SEZ6L: variants seen among roughly 807,000 people sequenced by gnomAD.
The protein encoded by SEZ6L is seizure related 6 homolog like.
Under a neutral mutation model 106.2 loss-of-function variants are expected in SEZ6L, and 37 were observed. The observed-to-expected ratio is 0.35, with a 90% CI of 0.27 to 0.46. The LOEUF is 0.46. Ranked by LOEUF, SEZ6L falls within the 20% of genes least tolerant of loss-of-function variation. The probability of loss-of-function intolerance (pLI) is 1.00; values close to 1 mark genes in which losing one functional copy is unlikely to be tolerated. For missense variants in SEZ6L, 1,172 were observed against 1,332.8 expected (o/e 0.88, Z 1.88); for synonymous variants, 541 against 570.4 (o/e 0.95, Z 0.73).
intron 1 of SEZ6L, among the ~76,000 whole-genome samples, chr22:26,248,010 T>C (rs944508192): frequency 4.6e-5 from 7 of 152,124 alleles, no homozygotes; most frequent in Non-Finnish European, 8.8e-5. Flanking sequence ...TGACTCTAAC[T>C]GAGAGTTCTG....
intron 1 of SEZ6L, among the ~76,000 whole-genome samples, chr22:26,280,511 A>G (rs1006201065): frequency 6.6e-6 from 1 of 152,170 alleles, no homozygotes; most frequent in African/African-American, 2.4e-5. Flanking sequence ...ATCATTCTGC[A>G]CCTTGGTTTT....
chr22:26,211,804 TAAAAAA>T lies in SEZ6L; in HGVS notation c.94+42061_94+42066del, dbSNP rs56124325. ...GGGCAACATAGCCAGACCTCGTCTC[TAAAAAA>T]AAAAAAAAAAAAAAAAAAATTTAAA... On this transcript the variant is annotated intron_variant, in intron 1 of 16. Transcript: ENST00000248933. 1.0e-4 allele frequency among the ~76,000 whole-genome samples: 5 copies of T among 48,084 alleles called. No homozygotes were observed. In the South Asian group the frequency reaches 3.4e-3, roughly 33 times the overall value. The allele number at this position is 48,084 out of a possible 152,430, so 31.5% of individuals were successfully genotyped here.
At chr22:26,260,234 A>T (rs1457797850) in intron 1 of SEZ6L, among the ~76,000 whole-genome samples, 1 of 152,128 alleles carries the variant, frequency 6.6e-6, no homozygotes. Flanking sequence ...TGGTGCACCC[A>T]TCACCTGAGC....
At chr22:26,291,436 G>A (rs1019831670) in intron 1 of SEZ6L, among the ~76,000 whole-genome samples, 3 of 128,164 alleles carry the variant, frequency 2.3e-5, no homozygotes, top group Non-Finnish European at 4.9e-5. Flanking sequence ...ACTGGGGCCT[G>A]TTGCGGGGTG....
chr22:26,221,133 T>C (rs947547750), intron 1 of SEZ6L, among the ~76,000 whole-genome samples: 1 of 152,068 alleles, frequency 6.6e-6, no homozygotes, highest in Non-Finnish European at 1.5e-5. Flanking sequence ...AATAAAGTAT[T>C]AAATACAACC....
At chr22:26,298,908 G>T in intron 4 of SEZ6L, 76 bp from the exon 5 acceptor site, 1 of 1,405,900 alleles carries the variant, frequency 7.1e-7, no homozygotes. Flanking sequence ...GCACAAACTG[G>T]CTCCCAGGAT....
Position 26,169,639 on chromosome 22 carries a change from A to G in SEZ6L, c.-31A>G. 1 of 920,634 alleles carries G rather than the reference A, an allele frequency of 1.1e-6. No individual in the cohort carries two copies. Among genetic ancestry groups the G allele is most frequent in the Non-Finnish European group, 1.5e-6 (1 of 670,176 alleles). The allele number at this position is 920,634 out of a possible 1,614,324, so 57.0% of individuals were successfully genotyped here. A position where few individuals can be genotyped will look rare whatever the true frequency, so the allele number is the denominator to read the frequency against. On this transcript the variant is annotated 5_prime_UTR_variant, in exon 1 of 17. Coordinates refer to ENST00000248933, the MANE Select transcript of SEZ6L (RefSeq NM_021115.5). ...CTCCCTCGCCGTCCGCCCGCCCCAC[A>G]GCCAGCGGCTCCGCGCCCCCTGCAG...
At position 26,188,179 on chromosome 22, in the gene SEZ6L, T is replaced by C. The variant is rs568405601; in HGVS notation, c.94+18416T>C. Among the ~76,000 whole-genome samples the C allele has an allele frequency of 2.6e-5, 4 of 152,330 alleles. No individual in the cohort carries two copies. In the East Asian group the frequency reaches 7.7e-4, roughly 29 times the overall value. ...TTCCAGGGAGCCTTCCCTGCCTGTC[T>C]CAGCTGAGTTAGGGGCATCGCATTG... On this transcript the variant is annotated intron_variant, in intron 1 of 16. Coordinates refer to ENST00000248933, the MANE Select transcript of SEZ6L (RefSeq NM_021115.5).
chr22:26,347,479 G>A (rs974320403), intron 10 of SEZ6L, among the ~76,000 whole-genome samples: 4 of 152,116 alleles, frequency 2.6e-5, no homozygotes, highest in South Asian at 2.1e-4. Context: ...TGTCTGACTC[G>A]AAATCCTAAA....
At chr22:26,314,095 C>CACACAG (rs1491457169) in intron 9 of SEZ6L, among the ~76,000 whole-genome samples, 193 bp downstream of exon 9, 2,000 of 136,274 alleles carry the variant, frequency 0.015, 23 homozygotes, top group African/African-American at 0.028. Context: ...CACACACACA[C>CACACAG]AGAGAGAGAG....
intron 1 of SEZ6L, among the ~76,000 whole-genome samples, chr22:26,286,281 C>A (rs2080930607): frequency 1.3e-5 from 2 of 152,220 alleles, no homozygotes; most frequent in African/African-American, 2.4e-5. Flanking sequence ...TCTGTGATTA[C>A]AACCTTGTGT....
At chr22:26,292,340 A>T in intron 1 of SEZ6L, 66 bp from the exon 2 acceptor site, 1 of 1,327,652 alleles carries the variant, frequency 7.5e-7, no homozygotes, top group Non-Finnish European at 1.0e-6. Context: ...CCACCCTCAG[A>T]GTCTGACAGC....
chr22:26,335,067 C>T (rs1288484500), intron 9 of SEZ6L, among the ~76,000 whole-genome samples: 1 of 152,238 alleles, frequency 6.6e-6, no homozygotes, highest in African/African-American at 2.4e-5. Flanking sequence ...ACATTTTCAT[C>T]TCGGTTGCTT....
chr22:26,178,541 A>G (rs553737350), intron 1 of SEZ6L, among the ~76,000 whole-genome samples: 3 of 152,198 alleles, frequency 2.0e-5, no homozygotes, highest in Admixed American at 6.5e-5. Flanking sequence ...AGAACAAGGT[A>G]GGTGGATACA....
intron 1 of SEZ6L, among the ~76,000 whole-genome samples, chr22:26,287,042 C>A (rs972783284): frequency 1.3e-5 from 2 of 150,236 alleles, no homozygotes. Context: ...TCCACCATGC[C>A]CGGTCGAGCT....
intron 1 of SEZ6L, among the ~76,000 whole-genome samples, chr22:26,204,390 A>G (rs1177202391): frequency 6.6e-6 from 1 of 152,216 alleles, no homozygotes; most frequent in African/African-American, 2.4e-5. Flanking sequence ...ACTACATGCT[A>G]GTCATCGTTC....
chr22:26,296,620 A>AC (rs2081308368), intron 3 of SEZ6L, among the ~76,000 whole-genome samples: 1 of 152,236 alleles, frequency 6.6e-6, no homozygotes, highest in Non-Finnish European at 1.5e-5. Context: ...CTCTTACAGG[A>AC]CACAGCAATG....
intron 1 of SEZ6L, among the ~76,000 whole-genome samples, chr22:26,181,648 T>C (rs1939403122): frequency 6.6e-6 from 1 of 152,186 alleles, no homozygotes; most frequent in Non-Finnish European, 1.5e-5. Context: ...GGCCTCGATT[T>C]CCTCAACTGT....
intron 15 of SEZ6L, among the ~76,000 whole-genome samples, chr22:26,376,867 A>G (rs1170802205): frequency 6.6e-6 from 1 of 152,208 alleles, no homozygotes; most frequent in African/African-American, 2.4e-5. Flanking sequence ...GCCCTTATGG[A>G]GCCCACAGTC....
Sources: allele counts gnomAD v4.1 joint callset (sites outside exome capture counted in the v4.1 genomes callset), GRCh38; gene constraint gnomAD v4.1.1; transcripts MANE v1.5; gene names NCBI Gene and HGNC (gene_info 2026-07-23, HGNC 2026-07-21).